The following EPN2 variants were observed in gnomAD, a reference collection of about 807,000 sequenced individuals.
The protein encoded by EPN2 is epsin 2.
In EPN2, 34 loss-of-function variants were observed where a neutral mutation model predicts 61.7. That is an observed-to-expected ratio of 0.55 (90% confidence interval 0.42 to 0.73). The LOEUF (loss-of-function observed/expected upper bound fraction) is 0.73, where lower values mean the gene tolerates loss of function less well. Ranked by LOEUF, EPN2 falls within the 30% of genes least tolerant of loss-of-function variation. The probability of loss-of-function intolerance (pLI) is 0.00; values close to 1 mark genes in which losing one functional copy is unlikely to be tolerated. For synonymous variants in EPN2, 349 were observed against 353.6 expected, an observed-to-expected ratio of 0.99 and a Z score of 0.15; for missense variants, 714 against 839.2, an observed-to-expected ratio of 0.85 and a Z score of 1.84.
At position 19,330,373 on chromosome 17, in the gene EPN2, C is replaced by T. The variant is rs117825750; in HGVS notation, c.1411+726C>T. Among the ~76,000 whole-genome samples, 46 of 152,234 alleles carry T rather than the reference C, an allele frequency of 3.0e-4. No individual in the cohort carries two copies. The East Asian group carries it at 8.7e-3, about 29-fold the overall frequency. On this transcript the variant is annotated intron_variant, in intron 9 of 10. Coordinates refer to ENST00000314728, the MANE Select transcript of EPN2 (RefSeq NM_014964.5). ...TTCCCTACCACCTCTATCCCAGTCT[C>T]TTCTTTTTCTCCCTTCTCTTTTATC...
chr17:19,238,422 A>G (rs1303335428), intron 1 of EPN2, among the ~76,000 whole-genome samples: 4 of 152,186 alleles, frequency 2.6e-5, no homozygotes, highest in Admixed American at 2.6e-4. Flanking sequence ...TCCCTGGGGC[A>G]GCTTGAGCTC....
intron 1 of EPN2, among the ~76,000 whole-genome samples, chr17:19,240,998 C>T (rs2152197188): frequency 6.6e-6 from 1 of 152,284 alleles, no homozygotes; most frequent in South Asian, 2.1e-4. Flanking sequence ...TAGGTTTATC[C>T]ACCTCATCTG....
intron 7 of EPN2, among the ~76,000 whole-genome samples, chr17:19,327,407 C>A (rs988798721): frequency 1.3e-5 from 2 of 152,168 alleles, no homozygotes; most frequent in African/African-American, 4.8e-5. Context: ...CATGGTGGCT[C>A]ACACCTGTAT....
chr17:19,299,228 T>C (rs1905348925), intron 4 of EPN2, among the ~76,000 whole-genome samples: 1 of 152,282 alleles, frequency 6.6e-6, no homozygotes, highest in Non-Finnish European at 1.5e-5. Context: ...TTCCTGTTTA[T>C]AAGTATTACT....
At chr17:19,266,858 A>ATAC (rs2045204149) in intron 1 of EPN2, among the ~76,000 whole-genome samples, 1 of 151,042 alleles carries the variant, frequency 6.6e-6, no homozygotes, top group Non-Finnish European at 1.5e-5. Flanking sequence ...AAGTAATAGA[A>ATAC]TACTGGTACA....
intron 7 of EPN2, among the ~76,000 whole-genome samples, chr17:19,315,898 C>T (rs1215707460): frequency 2.6e-5 from 4 of 152,178 alleles, no homozygotes; most frequent in Non-Finnish European, 4.4e-5. Flanking sequence ...AGAAAGAAAC[C>T]GCATACCCAG....
intron 8 of EPN2, chr17:19,329,188 G>C (rs974338911): frequency 1.4e-5 from 6 of 428,400 alleles, no homozygotes; most frequent in Non-Finnish European, 2.1e-5. Context: ...CCCCTGGGGG[G>C]CTGGGCAGGC....
At chr17:19,289,258 G>T (rs2045436476) in intron 4 of EPN2, among the ~76,000 whole-genome samples, 1 of 151,734 alleles carries the variant, frequency 6.6e-6, no homozygotes, top group African/African-American at 2.4e-5. Flanking sequence ...CTAATTTTTT[G>T]TATTTTTAGT....
At chr17:19,297,401 G>A (rs2045530723) in intron 4 of EPN2, 1 of 152,272 alleles carries the variant, frequency 6.6e-6, no homozygotes, top group Non-Finnish European at 1.5e-5. Flanking sequence ...TTATGGACAT[G>A]TCATTCACAA....
At chr17:19,330,063 T>C (rs574375249) in intron 9 of EPN2, among the ~76,000 whole-genome samples, 19 of 152,202 alleles carry the variant, frequency 1.2e-4, no homozygotes, top group Non-Finnish European at 2.2e-4. Context: ...AGGTGACCGC[T>C]CCAGCCCAGC....
Position 19,313,280 on chromosome 17 carries a change from G to A in EPN2, c.1147+1G>A, listed in dbSNP as rs752119640. The A allele has an allele frequency of 6.5e-7, 1 of 1,528,950 alleles. No individual in the cohort carries two copies. The highest frequency in any genetic ancestry group is 8.8e-7 in the Non-Finnish European group (1 of 1,142,066). 94.7% of individuals were successfully genotyped at this position (1,528,950 alleles called of 1,614,324 possible). On this transcript the variant is annotated splice_donor_variant, in intron 7 of 10. Transcript: ENST00000314728. LOFTEE classifies it high-confidence loss of function. ...ACTTCAGACCCCTGGCCATCGTTTG[G>A]TAAAGACCCCATTACTGGTCTCCCG...
At chr17:19,293,534 CTTTTTTTTTT>C (rs71155390) in intron 4 of EPN2, among the ~76,000 whole-genome samples, 11 of 52,436 alleles carry the variant, frequency 2.1e-4, no homozygotes, top group African/African-American at 9.3e-4. Flanking sequence ...CCATACCCAG[CTTTTTTTTTT>C]TTTTTTTTTT....
At chr17:19,263,554 C>T (rs904207423) in intron 1 of EPN2, among the ~76,000 whole-genome samples, 1 of 152,198 alleles carries the variant, frequency 6.6e-6, no homozygotes, top group Non-Finnish European at 1.5e-5. Context: ...TAGGATTGAG[C>T]ACTTCTGAGT....
At chr17:19,330,864 C>T (rs1907125378) in intron 9 of EPN2, among the ~76,000 whole-genome samples, 2 of 152,144 alleles carry the variant, frequency 1.3e-5, no homozygotes, top group East Asian at 1.9e-4. Flanking sequence ...CAGATGTGGT[C>T]GTGTGCACCT....
At chr17:19,308,200 A>G (rs879881488) in intron 4 of EPN2, 25 of 447,308 alleles carry the variant, frequency 5.6e-5, no homozygotes, top group Non-Finnish European at 6.5e-5. Flanking sequence ...CAGCCTCCCA[A>G]GTAGTTGGGA....
intron 1 of EPN2, among the ~76,000 whole-genome samples, chr17:19,241,377 A>G (rs2044883036): frequency 6.6e-6 from 1 of 152,076 alleles, no homozygotes; most frequent in Non-Finnish European, 1.5e-5. Flanking sequence ...CCTGAGGTCA[A>G]GGGATCGAGA....
At chr17:19,307,939 C>G (rs2152230083) in intron 4 of EPN2, 1 of 985,258 alleles carries the variant, frequency 1.0e-6, no homozygotes, top group East Asian at 1.1e-4. Context: ...TAGTTTCTCT[C>G]AAAGAGGAAA....
At chr17:19,303,262 A>C (rs1030981911) in intron 4 of EPN2, among the ~76,000 whole-genome samples, 2 of 152,172 alleles carry the variant, frequency 1.3e-5, no homozygotes, top group Admixed American at 1.3e-4. Flanking sequence ...ACACCTCACA[A>C]AATGGGAAAT....
At chr17:19,274,230 C>T (rs2045284503) in intron 1 of EPN2, 8 of 152,530 alleles carry the variant, frequency 5.2e-5, no homozygotes, top group Admixed American at 5.2e-4. Context: ...TCAGCTCTGC[C>T]CCCAGAATGA....
Sources: allele counts gnomAD v4.1 joint callset (sites outside exome capture counted in the v4.1 genomes callset), GRCh38; gene constraint gnomAD v4.1.1; transcripts MANE v1.5; gene names NCBI Gene and HGNC (gene_info 2026-07-23, HGNC 2026-07-21).